The following AGPS variants were observed in gnomAD, a reference collection of about 807,000 sequenced individuals.
AGPS encodes the protein alkyldihydroxyacetonephosphate synthase, peroxisomal.
Under a neutral mutation model 90.7 loss-of-function variants are expected in AGPS, and 26 were observed. That is an observed-to-expected ratio of 0.29 (90% CI 0.21 to 0.40). The LOEUF is 0.40. AGPS is among the 10% of genes least tolerant of loss of function. The pLI is 1.00. For synonymous variants in AGPS, 294 were observed against 285.3 expected, an observed-to-expected ratio of 1.03 and a Z score of -0.31; for missense variants, 540 against 816.1, an observed-to-expected ratio of 0.66 and a Z score of 4.12.
chr2:177,461,498 G>T (rs1687291979), intron 8 of AGPS, among the ~76,000 whole-genome samples: 2 of 152,128 alleles, frequency 1.3e-5, no homozygotes, highest in Non-Finnish European at 2.9e-5. Flanking sequence ...TTTATTTATT[G>T]AAAGTGTTTA....
At chr2:177,440,244 C>G (rs1054156719) in intron 5 of AGPS, among the ~76,000 whole-genome samples, 1 of 151,902 alleles carries the variant, frequency 6.6e-6, no homozygotes, top group Non-Finnish European at 1.5e-5. Context: ...TGACAAGAAA[C>G]AGAGTATCCT....
intron 17 of AGPS, among the ~76,000 whole-genome samples, chr2:177,514,610 G>A (rs532899772): frequency 6.6e-6 from 1 of 152,044 alleles, no homozygotes; most frequent in Non-Finnish European, 1.5e-5. Flanking sequence ...AAATATTTCT[G>A]TATTCTTTAA....
intron 14 of AGPS, among the ~76,000 whole-genome samples, chr2:177,501,447 A>G (rs1688558326): frequency 6.6e-6 from 1 of 152,082 alleles, no homozygotes; most frequent in South Asian, 2.1e-4. Context: ...ATAGGGCATG[A>G]CCTATCTTTT....
intron 9 of AGPS, among the ~76,000 whole-genome samples, chr2:177,467,856 G>C (rs542455976): frequency 6.6e-6 from 1 of 152,192 alleles, no homozygotes; most frequent in African/African-American, 2.4e-5. Flanking sequence ...TCATTTGTAT[G>C]ATGAGTCACA....
At chr2:177,436,906 C>T (rs1489216485) in intron 4 of AGPS, 22 bp downstream of exon 4, 4 of 1,611,488 alleles carry the variant, frequency 2.5e-6, no homozygotes, top group Non-Finnish European at 3.4e-6. Flanking sequence ...TATATTAGCC[C>T]TATTTATTTT....
intron 15 of AGPS, among the ~76,000 whole-genome samples, chr2:177,506,670 C>CA (rs1688724815): frequency 6.6e-6 from 1 of 151,870 alleles, no homozygotes; most frequent in African/African-American, 2.4e-5. Context: ...CCTGCCCCCA[C>CA]AGTGATGATG....
chr2:177,518,297 G>A (rs1689078558), intron 17 of AGPS, among the ~76,000 whole-genome samples: 2 of 151,970 alleles, frequency 1.3e-5, no homozygotes, highest in South Asian at 4.1e-4. Flanking sequence ...TTAGCCAGGT[G>A]TGGTGGCAGG....
intron 1 of AGPS, among the ~76,000 whole-genome samples, chr2:177,415,279 T>C (rs1480151348): frequency 6.6e-6 from 1 of 152,186 alleles, no homozygotes; most frequent in Non-Finnish European, 1.5e-5. Context: ...CTTATGGAAT[T>C]GTATATGAAT....
At chr2:177,510,108 A>C (rs1375902629) in intron 16 of AGPS, among the ~76,000 whole-genome samples, 9 of 152,202 alleles carry the variant, frequency 5.9e-5, no homozygotes, top group Non-Finnish European at 1.3e-4. Context: ...TTGGCCTGCT[A>C]TACAGAGCAC....
intron 1 of AGPS, among the ~76,000 whole-genome samples, chr2:177,413,946 A>G (rs1473882151): frequency 6.6e-6 from 1 of 152,106 alleles, no homozygotes; most frequent in Non-Finnish European, 1.5e-5. Context: ...TGTGTGAGAG[A>G]AGTGTGGGAG....
At chr2:177,537,463 G>C (rs1329555850) in intron 19 of AGPS, among the ~76,000 whole-genome samples, 2 of 151,920 alleles carry the variant, frequency 1.3e-5, no homozygotes, top group African/African-American at 4.8e-5. Context: ...TCTAAATCTG[G>C]AAAAACAGTA....
intron 8 of AGPS, among the ~76,000 whole-genome samples, chr2:177,453,690 A>ATTTTT (rs11401105): frequency 3.3e-4 from 30 of 90,512 alleles, no homozygotes; most frequent in East Asian, 2.9e-3. Context: ...ATCAGTAGTA[A>ATTTTT]TTTTTTTTTT....
At chr2:177,465,184 C>T (rs896440093) in intron 9 of AGPS, among the ~76,000 whole-genome samples, 4 of 152,184 alleles carry the variant, frequency 2.6e-5, no homozygotes, top group Middle Eastern at 6.8e-3. Flanking sequence ...GTTCTAGCTA[C>T]TCAGGAGGCT....
chr2:177,469,059 T>C (rs1347980841), intron 10 of AGPS, among the ~76,000 whole-genome samples: 1 of 152,126 alleles, frequency 6.6e-6, no homozygotes, highest in Non-Finnish European at 1.5e-5. Flanking sequence ...GATTTGAATG[T>C]AGTTCATCTC....
chr2:177,502,607 G>T (rs982624929), intron 14 of AGPS, among the ~76,000 whole-genome samples: 1 of 151,570 alleles, frequency 6.6e-6, no homozygotes, highest in Non-Finnish European at 1.5e-5. Flanking sequence ...GTGTGTGTGT[G>T]TTTTGTAGAG....
intron 12 of AGPS, among the ~76,000 whole-genome samples, chr2:177,497,363 T>G (rs974550550): frequency 3.3e-5 from 5 of 151,858 alleles, no homozygotes; most frequent in African/African-American, 1.2e-4. Flanking sequence ...TGAAGTAATT[T>G]TATTATGTGT....
chr2:177,464,708 T>C (rs569792050), intron 9 of AGPS, among the ~76,000 whole-genome samples: 3 of 152,246 alleles, frequency 2.0e-5, no homozygotes, highest in East Asian at 1.9e-4. Flanking sequence ...CTGATTACAC[T>C]TTCTTGTGCT....
chr2:177,404,345 A>C (rs1409844205), intron 1 of AGPS, among the ~76,000 whole-genome samples: 1 of 152,192 alleles, frequency 6.6e-6, no homozygotes, highest in African/African-American at 2.4e-5. Flanking sequence ...ACTTATTGCT[A>C]TCAGTAAATA....
At chr2:177,502,610 T>G (rs1269850849) in intron 14 of AGPS, among the ~76,000 whole-genome samples, 1 of 151,790 alleles carries the variant, frequency 6.6e-6, no homozygotes, top group African/African-American at 2.4e-5. Context: ...TGTGTGTGTT[T>G]TGTAGAGATG....
Sources: gnomAD v4.1 joint callset for allele counts (sites outside exome capture counted in the v4.1 genomes callset) on GRCh38, gnomAD v4.1.1 for gene constraint, MANE v1.5 for transcripts, NCBI Gene and HGNC (gene_info 2026-07-23, HGNC 2026-07-21) for gene names.